NATD1: variants seen among roughly 807,000 people sequenced by gnomAD.
The protein encoded by NATD1 is N-acetyltransferase domain containing 1.
Under a neutral mutation model 12.0 loss-of-function variants are expected in NATD1, and 9 were observed. The observed-to-expected ratio is 0.75, with a 90% CI of 0.45 to 1.30. The LOEUF (loss-of-function observed/expected upper bound fraction) is 1.30, where lower values mean the gene tolerates loss of function less well. Among genes scored for constraint, NATD1 ranks in the 50% most tolerant of loss-of-function variants. The pLI, the probability that NATD1 is intolerant of heterozygous loss-of-function variation, is 0.00. For missense variants in NATD1, 148 were observed against 148.5 expected, an observed-to-expected ratio of 1.00 and a Z score of 0.02; for synonymous variants, 71 against 65.9, an observed-to-expected ratio of 1.08 and a Z score of -0.37.
chr17:21,247,954 G>A (rs1975341023), intron 1 of NATD1, among the ~76,000 whole-genome samples: 1 of 152,196 alleles, frequency 6.6e-6, no homozygotes, highest in Non-Finnish European at 1.5e-5. Flanking sequence ...CCTGGAATGA[G>A]AGTCACGGAG....
chr17:21,252,914 C>T (rs1975391786), intron 1 of NATD1, among the ~76,000 whole-genome samples: 1 of 151,908 alleles, frequency 6.6e-6, no homozygotes, highest in Non-Finnish European at 1.5e-5. Context: ...CTGCCCCCGC[C>T]CAGCCCGTTC....
chr17:21,252,064 A>G (rs1003572426), intron 1 of NATD1, among the ~76,000 whole-genome samples: 10 of 152,270 alleles, frequency 6.6e-5, no homozygotes, highest in African/African-American at 2.4e-4. Context: ...TAATCCCAGC[A>G]CTTTGGGAGG....
In NATD1 at chr17:21,243,212, G is replaced by C; in HGVS notation, c.*101C>G. 2 of 862,758 alleles carry C rather than the reference G, an allele frequency of 2.3e-6. No individual in the cohort carries two copies. The highest frequency in any genetic ancestry group is 3.1e-5 in the South Asian group (2 of 64,274). The allele number at this position is 862,758 out of a possible 1,614,324, so 53.4% of individuals were successfully genotyped here. On this transcript the variant is annotated 3_prime_UTR_variant, in exon 3 of 3. Transcript: ENST00000611551. ...TGAGTGTCCTTACAAAAATAACTCT[G>C]AGTCTGTTCCCAGTGGGACCAGGTT...
intron 1 of NATD1, among the ~76,000 whole-genome samples, chr17:21,249,830 C>T (rs1226316304): frequency 6.6e-6 from 1 of 152,226 alleles, no homozygotes; most frequent in Admixed American, 6.5e-5. Flanking sequence ...TAGCTGCCTA[C>T]AGGCTGTGCG....
chr17:21,247,705 C>T (rs1597784944), intron 1 of NATD1, among the ~76,000 whole-genome samples: 1 of 152,208 alleles, frequency 6.6e-6, no homozygotes, highest in African/African-American at 2.4e-5. Context: ...TCCTGCCCCC[C>T]TGTGCTAGTC....
chr17:21,243,085 G>C lies in NATD1; in HGVS notation c.*228C>G, dbSNP rs1483850177. The C allele has an allele frequency of 2.0e-6, 1 of 502,080 alleles. No individual in the cohort carries two copies. The highest frequency in any genetic ancestry group is 3.3e-5 in the East Asian group (1 of 30,270). The allele number at this position is 502,080 out of a possible 1,614,324, so 31.1% of individuals were successfully genotyped here. ...CCACGAAGCCGCTGGTCTCTGCAGA[G>C]TGAGAGGTGCCGGGACTACCTGGCC... is the stretch of plus-strand genomic sequence containing the variant. On this transcript the variant is annotated 3_prime_UTR_variant, in exon 3 of 3. Transcript: ENST00000611551.
chr17:21,253,349 C>A lies in NATD1; in HGVS notation c.-85G>T, dbSNP rs1256640129. On this transcript the variant is annotated 5_prime_UTR_variant, in exon 1 of 3. Transcript: ENST00000611551. ...GCGCGCGGCGGGGCTGGAGCGCGGGCGCAGGCGGCAGGCGGTGGGGTAGTT... is the reference window on the plus strand; with the variant it reads ...GCGCGCGGCGGGGCTGGAGCGCGGGAGCAGGCGGCAGGCGGTGGGGTAGTT... The A allele has an allele frequency of 9.7e-6, 5 of 517,516 alleles. No homozygotes were observed. Among genetic ancestry groups the A allele is most frequent in the Non-Finnish European group, 1.2e-5 (5 of 406,026 alleles). 32.1% of individuals were successfully genotyped at this position (517,516 alleles called of 1,614,324 possible).
In NATD1 at chr17:21,244,384, G is replaced by A. The variant is rs968211901; in HGVS notation, c.107-160C>T. Among the ~76,000 whole-genome samples the A allele has an allele frequency of 7.9e-5, 12 of 152,150 alleles. No homozygotes were observed. The highest frequency in any genetic ancestry group is 2.4e-4 in the African/African-American group (10 of 41,416). On this transcript the variant is annotated intron_variant, in intron 1 of 2. Transcript: ENST00000611551. This position sits in a 1 kb window ranked among gnomAD's most constrained non-coding sequence, Gnocchi z 5.2. ...CAGTCTCCTCATCCATAAAGTGGAG[G>A]TACAATAAAATGTCCTTCATAGGGT...
chr17:21,247,141 C>T (rs1169159546), intron 1 of NATD1, among the ~76,000 whole-genome samples: 1 of 152,218 alleles, frequency 6.6e-6, no homozygotes, highest in Non-Finnish European at 1.5e-5. Context: ...TGGACCTGAC[C>T]CTGGGAGTCC....
In NATD1 at chr17:21,244,304, G is replaced by T; in HGVS notation, c.107-80C>A. 1.6e-6 allele frequency: 2 copies of T among 1,232,576 alleles called. No homozygotes were observed. The highest frequency in any genetic ancestry group is 2.3e-6 in the Non-Finnish European group (2 of 871,668). 76.4% of individuals were successfully genotyped at this position (1,232,576 alleles called of 1,614,324 possible). A position where few individuals can be genotyped will look rare whatever the true frequency, so the allele number is the denominator to read the frequency against. ...GGCACCAAGACGGGTGGAGGGACAG[G>T]CATTTGGAGTCATTCAGCTGCTACA... On this transcript the variant is annotated intron_variant, in intron 1 of 2. Transcript: ENST00000611551. The surrounding 1 kb of genome is among the most constrained non-coding windows in gnomAD (Gnocchi z 5.2).
chr17:21,251,830 G>T (rs980997361), intron 1 of NATD1, among the ~76,000 whole-genome samples: 4 of 152,302 alleles, frequency 2.6e-5, no homozygotes, highest in South Asian at 4.1e-4. Context: ...CTGACCTCTC[G>T]CAAGCCTTTC....
At chr17:21,251,359 G>A (rs1271684552) in intron 1 of NATD1, among the ~76,000 whole-genome samples, 1 of 148,614 alleles carries the variant, frequency 6.7e-6, no homozygotes, top group Non-Finnish European at 1.5e-5. Flanking sequence ...TGGCCCTCCC[G>A]AGCCCACAAG....
In NATD1 at chr17:21,239,076, T is replaced by C; in HGVS notation, c.*4237A>G. ...TCGTAAAGGGATATTTGGGTGGACT[T>C]GAGCAAATCCAAGAACCCTGAACTG... On this transcript the variant is annotated 3_prime_UTR_variant, in exon 3 of 3. Transcript: ENST00000611551. The C allele has an allele frequency of 6.6e-6, 1 of 152,144 alleles. No homozygotes were observed. Among genetic ancestry groups the C allele is most frequent in the African/African-American group, 2.4e-5 (1 of 41,424 alleles). 9.4% of individuals were successfully genotyped at this position (152,144 alleles called of 1,614,324 possible).
At chr17:21,251,680 G>A (rs1461569685) in intron 1 of NATD1, among the ~76,000 whole-genome samples, 1 of 152,214 alleles carries the variant, frequency 6.6e-6, no homozygotes, top group Non-Finnish European at 1.5e-5. Flanking sequence ...GGCCTGGCTC[G>A]ACACTCGGCA....
At chr17:21,250,513 G>A (rs144849772) in intron 1 of NATD1, among the ~76,000 whole-genome samples, 81 of 152,236 alleles carry the variant, frequency 5.3e-4, no homozygotes, top group Admixed American at 1.2e-3. Flanking sequence ...AGGAGACCCC[G>A]ACACCTAAAA....
At position 21,241,972 on chromosome 17, in the gene NATD1, G is replaced by C. The variant is rs1042339910; in HGVS notation, c.*1341C>G. 14 of 152,842 alleles carry C rather than the reference G, an allele frequency of 9.2e-5. No individual in the cohort carries two copies. Among genetic ancestry groups the C allele is most frequent in the African/African-American group, 3.1e-4 (13 of 41,444 alleles). The allele number at this position is 152,842 out of a possible 1,614,324, so 9.5% of individuals were successfully genotyped here. A position where few individuals can be genotyped will look rare whatever the true frequency, so the allele number is the denominator to read the frequency against. On this transcript the variant is annotated 3_prime_UTR_variant, in exon 3 of 3. Coordinates refer to ENST00000611551, the MANE Select transcript of NATD1 (RefSeq NM_152914.3). ...CATGGTGACCACTGCCCCTGCACCG[G>C]GGGAGGAAGGCATGGGGGTCCTGGT...
intron 1 of NATD1, among the ~76,000 whole-genome samples, chr17:21,250,138 C>T (rs1429666492): frequency 2.6e-5 from 4 of 152,238 alleles, no homozygotes; most frequent in African/African-American, 9.6e-5. Flanking sequence ...TCCTGGGAGC[C>T]TCAGAGTCAA....
intron 1 of NATD1, 116 bp downstream of exon 1, chr17:21,253,043 G>T: frequency 4.7e-6 from 2 of 423,248 alleles, no homozygotes; most frequent in Non-Finnish European, 6.3e-6. Context: ...CTTCCCGGGC[G>T]GCGGGCCGGA....
chr17:21,243,281 C>T lies in NATD1; in HGVS notation c.*32G>A, dbSNP rs760078911. 15 of 1,585,624 alleles carry T rather than the reference C, an allele frequency of 9.5e-6. No homozygotes were observed. The highest frequency in any genetic ancestry group is 8.9e-5 in the East Asian group (4 of 44,746). ...CAGGCAAAGGCCACGTGGAAGAGTC[C>T]GGCAGGGAGCGCTCCCGCCTGCAGG... is the stretch of plus-strand genomic sequence containing the variant. On this transcript the variant is annotated 3_prime_UTR_variant, in exon 3 of 3. Coordinates refer to ENST00000611551, the MANE Select transcript of NATD1 (RefSeq NM_152914.3).
Sources: allele counts gnomAD v4.1 joint callset (sites outside exome capture counted in the v4.1 genomes callset), GRCh38; gene constraint gnomAD v4.1.1; non-coding constraint Gnocchi (gnomAD v3.1); transcripts MANE v1.5; gene names NCBI Gene and HGNC (gene_info 2026-07-23, HGNC 2026-07-21).